Variants in SPECC1 observed in about 807,000 individuals in gnomAD.
The protein encoded by SPECC1 is cytospin-B.
SPECC1 carries 62 observed loss-of-function variants against 104.1 expected under a neutral mutation model. That is an observed-to-expected ratio of 0.60 (90% CI 0.49 to 0.74). The LOEUF is 0.74. Ranked by LOEUF, SPECC1 falls within the 30% of genes least tolerant of loss-of-function variation. The probability of loss-of-function intolerance (pLI) is 0.00; values close to 1 mark genes in which losing one functional copy is unlikely to be tolerated. For synonymous variants in SPECC1, 513 were observed against 501.6 expected, an observed-to-expected ratio of 1.02 and a Z score of -0.30; for missense variants, 1,306 against 1,310.5, an observed-to-expected ratio of 1.00 and a Z score of 0.05.
intron 3 of SPECC1, among the ~76,000 whole-genome samples, chr17:20,122,527 C>A (rs12451216): frequency 0.3 from 45,947 of 152,080 alleles, 8,420 homozygotes; most frequent in Middle Eastern, 0.41. Context: ...GTGTACAGTT[C>A]AGCGGCATTA....
chr17:20,072,738 T>C (rs1441601057), intron 1 of SPECC1, among the ~76,000 whole-genome samples: 2 of 152,234 alleles, frequency 1.3e-5, no homozygotes, highest in Non-Finnish European at 2.9e-5. Context: ...AAGAGCTCTC[T>C]GCCATGCAAG....
In SPECC1 at chr17:20,235,971, G is replaced by A. The variant is rs147320939; in HGVS notation, c.2351+3566G>A. ...CATCCGTGTCAGCCTGAGTGTCACT[G>A]TGTGTGCCTGTGCTGCCCTCTGTGT... is the stretch of plus-strand genomic sequence containing the variant. On this transcript the variant is annotated intron_variant, in intron 7 of 14. Transcript: ENST00000395527. 5.1e-4 allele frequency among the ~76,000 whole-genome samples: 77 copies of A among 152,334 alleles called. 1 individual carries two copies. Among genetic ancestry groups the A allele is most frequent in the Non-Finnish European group, 1.0e-3 (68 of 68,026 alleles).
At chr17:20,160,355 G>C (rs1430336918) in intron 3 of SPECC1, among the ~76,000 whole-genome samples, 1 of 152,080 alleles carries the variant, frequency 6.6e-6, no homozygotes, top group African/African-American at 2.4e-5. Context: ...AAGGCGTGTG[G>C]AGGACCCTGC....
chr17:20,107,698 G>T (rs543860611), intron 2 of SPECC1, among the ~76,000 whole-genome samples: 2 of 152,012 alleles, frequency 1.3e-5, no homozygotes, highest in South Asian at 2.1e-4. Context: ...GCTAATTTTT[G>T]TATTTTTAGT....
At chr17:20,155,925 C>T (rs2152570852) in intron 3 of SPECC1, 20 of 1,208,418 alleles carry the variant, frequency 1.7e-5, no homozygotes, top group Non-Finnish European at 2.1e-5. Context: ...GCCTGGCGGG[C>T]GGTGTGCAGT....
chr17:20,174,652 T>C (rs1344222988), intron 3 of SPECC1, among the ~76,000 whole-genome samples: 1 of 152,164 alleles, frequency 6.6e-6, no homozygotes, highest in African/African-American at 2.4e-5. Context: ...AATCTGTTTC[T>C]TTGCCTTTTC....
In SPECC1 at chr17:20,217,254, G is replaced by T. The variant is rs78125685; in HGVS notation, c.1864-10159G>T. On this transcript the variant is annotated intron_variant, in intron 4 of 14. Transcript: ENST00000395527. ...GTTGTGAAATGACTTAAGGGTTTCA[G>T]TTTTTTTATTGTGTGTGTGTGTGTG... Among the ~76,000 whole-genome samples, 708 of 150,532 alleles carry T rather than the reference G, an allele frequency of 4.7e-3. 6 individuals carry two copies. Among genetic ancestry groups the T allele is most frequent in the African/African-American group, 0.016 (673 of 40,970 alleles).
In SPECC1 at chr17:20,229,058, T is replaced by A. The variant is rs1033228200; in HGVS notation, c.2071+1438T>A. 2.0e-5 allele frequency among the ~76,000 whole-genome samples: 3 copies of A among 152,216 alleles called. No individual in the cohort carries two copies. The East Asian group carries it at 5.8e-4, about 29-fold the overall frequency. On this transcript the variant is annotated intron_variant, in intron 5 of 14. Coordinates refer to ENST00000395527, the MANE Select transcript of SPECC1 (RefSeq NM_001243439.2). ...GCACTTCCACAGTCATTTTCAGACA[T>A]GCACAGAGAAGTGAAAAGGTTGTGT... is the stretch of plus-strand genomic sequence containing the variant.
At chr17:20,282,880 AAAAT>A (rs1330267278) in intron 12 of SPECC1, among the ~76,000 whole-genome samples, 2 of 152,208 alleles carry the variant, frequency 1.3e-5, no homozygotes, top group Admixed American at 1.3e-4. Context: ...CTAAAGTAGA[AAAAT>A]AAATAATTGG....
At chr17:20,165,549 T>A (rs926311925) in intron 3 of SPECC1, among the ~76,000 whole-genome samples, 1 of 152,260 alleles carries the variant, frequency 6.6e-6, no homozygotes, top group Non-Finnish European at 1.5e-5. Flanking sequence ...ACAGAATGAT[T>A]TATATTCCTT....
chr17:20,205,983 C>G, intron 4 of SPECC1, 71 bp downstream of exon 4: 2 of 1,516,962 alleles, frequency 1.3e-6, no homozygotes, highest in Non-Finnish European at 1.8e-6. Context: ...CCTCTAAATT[C>G]ACAGAGCACA....
At chr17:20,051,116 CTTTCTTTCT>C (rs2045748676) in intron 1 of SPECC1, among the ~76,000 whole-genome samples, 67 of 130,902 alleles carry the variant, frequency 5.1e-4, no homozygotes, top group South Asian at 1.3e-3. Flanking sequence ...TTCTTTCTTT[CTTTCTTTCT>C]TTCTTTCTTT....
At chr17:20,105,107 G>C (rs1272023685) in intron 2 of SPECC1, among the ~76,000 whole-genome samples, 1 of 151,330 alleles carries the variant, frequency 6.6e-6, no homozygotes, top group Non-Finnish European at 1.5e-5. Flanking sequence ...TTTTTCGGTG[G>C]GGGGGCGGGA....
At chr17:20,148,307 A>G (rs1356338699) in intron 3 of SPECC1, among the ~76,000 whole-genome samples, 1 of 150,976 alleles carries the variant, frequency 6.6e-6, no homozygotes, top group African/African-American at 2.4e-5. Flanking sequence ...TAGTGCAATC[A>G]TAGCTCACTG....
chr17:20,184,415 A>G (rs1264822462), intron 3 of SPECC1, among the ~76,000 whole-genome samples: 1 of 152,166 alleles, frequency 6.6e-6, no homozygotes, highest in African/African-American at 2.4e-5. Context: ...CATTCTTTCC[A>G]GGCTGTTCAT....
chr17:20,256,562 C>G (rs2039837497), intron 10 of SPECC1, among the ~76,000 whole-genome samples: 1 of 152,186 alleles, frequency 6.6e-6, no homozygotes, highest in African/African-American at 2.4e-5. Context: ...TGACTATTCA[C>G]AGGTCATGGG....
intron 4 of SPECC1, among the ~76,000 whole-genome samples, chr17:20,225,688 G>T (rs2038156977): frequency 1.3e-5 from 2 of 152,260 alleles, no homozygotes; most frequent in South Asian, 4.1e-4. Flanking sequence ...CCTCTCCGGT[G>T]CATCTTTCCT....
chr17:20,057,177 C>T (rs2045996870), intron 1 of SPECC1, among the ~76,000 whole-genome samples: 1 of 152,152 alleles, frequency 6.6e-6, no homozygotes, highest in African/African-American at 2.4e-5. Flanking sequence ...TGCGGTGGCT[C>T]ATGCCTGTAA....
At chr17:20,163,068 C>T (rs541447694) in intron 3 of SPECC1, among the ~76,000 whole-genome samples, 1 of 152,226 alleles carries the variant, frequency 6.6e-6, no homozygotes, top group South Asian at 2.1e-4. Flanking sequence ...CATCAAATAT[C>T]AATGGTAATA....
Sources: gnomAD v4.1 joint callset for allele counts (sites outside exome capture counted in the v4.1 genomes callset) on GRCh38, gnomAD v4.1.1 for gene constraint, MANE v1.5 for transcripts, NCBI Gene and HGNC (gene_info 2026-07-23, HGNC 2026-07-21) for gene names.